The following ZNF714 variants were observed in gnomAD, a reference collection of about 807,000 sequenced individuals.
ZNF714 encodes the protein zinc finger protein 714.
A neutral mutation model predicts 46.2 loss-of-function variants in ZNF714; 32 were observed. The ratio of observed to expected loss-of-function variants is 0.69; its 90% CI spans 0.52 to 0.93. ZNF714 has a LOEUF of 0.93. Among genes scored for constraint, ZNF714 ranks in the 40% least tolerant of loss-of-function variants. The pLI is 0.00. For missense variants in ZNF714, 635 were observed against 646.3 expected (o/e 0.98, Z 0.19); for synonymous variants, 199 against 213.1 (o/e 0.93, Z 0.58).
In ZNF714 at chr19:21,117,049, A is replaced by T; in HGVS notation, c.385A>T (p.Ile129Phe). 1.4e-5 allele frequency: 23 copies of T among 1,613,180 alleles called. No homozygotes were observed. Among genetic ancestry groups the T allele is most frequent in the Non-Finnish European group, 1.9e-5 (23 of 1,179,524 alleles). The change falls in exon 5 of 5, where the codon ATT becomes TTT. Residue 129 changes from isoleucine to phenylalanine, a missense_variant. Coordinates refer to ENST00000456283, the MANE Select transcript of ZNF714 (RefSeq NM_182515.4). ...CDKYIKVFHK[I>F]FNSNRHKTRH... ...TAAATATATAAAAGTCTTTCATAAA[A>T]TTTTCAATTCAAATAGACACAAGAC... is the stretch of plus-strand genomic sequence containing the variant.
At position 21,117,072 on chromosome 19, in the gene ZNF714, G is replaced by C; in HGVS notation, c.408G>C (p.Lys136Asn). The C allele has an allele frequency of 6.2e-7, 1 of 1,613,360 alleles. No individual in the cohort carries two copies. Among genetic ancestry groups the C allele is most frequent in the East Asian group, 2.2e-5 (1 of 44,824 alleles). ...FHKIFNSNRHKTRHTGEKPFK... is the reference protein window; with the variant it reads ...FHKIFNSNRHNTRHTGEKPFK... ...AAATTTTCAATTCAAATAGACACAA[G>C]ACAAGACATACTGGAGAGAAACCTT... Residue 136 changes from lysine to asparagine, a missense_variant, in exon 5 of 5, where the codon AAG (lysine) becomes AAC (asparagine). Transcript: ENST00000456283.
In ZNF714 at chr19:21,096,833, CTTAT is replaced by C. The variant is rs569755532; in HGVS notation, c.-84-1348_-84-1345del. On this transcript the variant is annotated intron_variant, in intron 2 of 4. Transcript: ENST00000456283. ...TATGCAGAACAGGATTAAGAATATG[CTTAT>C]TTAAACAGGATGGCATTTATTTATT... Among the ~76,000 whole-genome samples, 128 of 152,096 alleles carry C rather than the reference CTTAT, an allele frequency of 8.4e-4. 1 individual carries two copies. The highest frequency in any genetic ancestry group is 2.6e-3 in the African/African-American group (109 of 41,456).
rs1004289945 is a variant in ZNF714, at chr19:21,123,198, A to C, written c.*4866A>C. Reference sequence around the variant, plus strand: ...TTAAAGGCGCACACTGTCCACAGGCAAGAGGATTAAATTAGCATTGCATTT... The same window carrying C: ...TTAAAGGCGCACACTGTCCACAGGCCAGAGGATTAAATTAGCATTGCATTT... On this transcript the variant is annotated 3_prime_UTR_variant, in exon 5 of 5. Coordinates refer to ENST00000456283, the MANE Select transcript of ZNF714 (RefSeq NM_182515.4). The C allele has an allele frequency of 6.6e-6, 1 of 151,198 alleles. No individual in the cohort carries two copies. Among genetic ancestry groups the C allele is most frequent in the African/African-American group, 2.4e-5 (1 of 41,300 alleles). 9.4% of individuals were successfully genotyped at this position (151,198 alleles called of 1,614,324 possible).
At position 21,118,124 on chromosome 19, in the gene ZNF714, G is replaced by A. The variant is rs1222042567; in HGVS notation, c.1460G>A (p.Gly487Asp). The change falls in exon 5 of 5, where the codon GGT (glycine) becomes GAT (aspartate). Residue 487 changes from glycine to aspartate, a missense_variant. Gly to Asp is a moderately conservative substitution (Grantham distance 94). Transcript: ENST00000456283. Reference sequence around the variant, plus strand: ...AAATCTTACAAATGTGAAGAATGTGGTAAAGCCTTTAACCAATCCTCAACT... The same window carrying A: ...AAATCTTACAAATGTGAAGAATGTGATAAAGCCTTTAACCAATCCTCAACT... ...GEKSYKCEEC[G>D]KAFNQSSTLT... The A allele has an allele frequency of 6.2e-7, 1 of 1,613,636 alleles. No homozygotes were observed. The highest frequency in any genetic ancestry group is 1.3e-5 in the African/African-American group (1 of 74,888).
chr19:21,112,238 A>G (rs935124780), intron 4 of ZNF714, among the ~76,000 whole-genome samples: 1 of 152,130 alleles, frequency 6.6e-6, no homozygotes, highest in African/African-American at 2.4e-5. Context: ...TTGGTAGGCT[A>G]TTGGCTATTT....
Position 21,098,260 on chromosome 19 carries a change from A to G in ZNF714, c.-9A>G. On this transcript the variant is annotated 5_prime_UTR_variant, in exon 3 of 5. Transcript: ENST00000456283. ...GGAATGCCTGAACCCTGCTCAGCAG[A>G]ATTTATATATGAATGTGATGTTAGA... 1 of 1,612,868 alleles carries G rather than the reference A, an allele frequency of 6.2e-7. No individual in the cohort carries two copies. Among genetic ancestry groups the G allele is most frequent in the Non-Finnish European group, 8.5e-7 (1 of 1,179,806 alleles).
chr19:21,107,811 C>T (rs932802799), intron 4 of ZNF714, among the ~76,000 whole-genome samples: 13 of 152,136 alleles, frequency 8.5e-5, no homozygotes, highest in African/African-American at 1.2e-4. Flanking sequence ...CATGAGCCAC[C>T]GTACTCAACC....
chr19:21,084,022 A>C lies in ZNF714; in HGVS notation c.-132A>C. On this transcript the variant is annotated 5_prime_UTR_variant, in exon 2 of 5. Coordinates refer to ENST00000456283, the MANE Select transcript of ZNF714 (RefSeq NM_182515.4). The stretch of plus-strand genomic sequence containing the variant: ...TGTATCCTCTCAAGGGAGCAAGTGG[A>C]TCCCTGGGGCAGAGAGGAAGCTTCT... The C allele has an allele frequency of 8.0e-7, 1 of 1,255,160 alleles. No homozygotes were observed. Among genetic ancestry groups the C allele is most frequent in the Non-Finnish European group, 1.0e-6 (1 of 976,074 alleles). 77.8% of individuals were successfully genotyped at this position (1,255,160 alleles called of 1,614,324 possible).
intron 2 of ZNF714, among the ~76,000 whole-genome samples, chr19:21,096,881 G>A (rs1052822073): frequency 6.6e-6 from 1 of 150,584 alleles, no homozygotes; most frequent in East Asian, 1.9e-4. Context: ...TATTTTTATT[G>A]TTTGAGACAG....
intron 4 of ZNF714, among the ~76,000 whole-genome samples, chr19:21,101,983 A>G (rs868585644): frequency 6.6e-6 from 1 of 152,046 alleles, no homozygotes; most frequent in South Asian, 2.1e-4. Context: ...TACTTGGGAG[A>G]TGGGATCTTG....
rs921552185 is a variant in ZNF714 at position 21,122,945 on chromosome 19, A to G, written c.*4613A>G. The G allele has an allele frequency of 6.6e-5, 10 of 152,208 alleles. No individual in the cohort carries two copies. The highest frequency in any genetic ancestry group is 1.9e-4 in the African/African-American group (8 of 41,442). 9.4% of individuals were successfully genotyped at this position (152,208 alleles called of 1,614,324 possible). On this transcript the variant is annotated 3_prime_UTR_variant, in exon 5 of 5. Transcript: ENST00000456283. The stretch of plus-strand genomic sequence containing the variant: ...CGAGGCAAGTGGATCACTTGAGCTC[A>G]GGAGTTCGAGACCAGCCTGACCAAC...
chr19:21,087,210 G>C (rs973965433), intron 2 of ZNF714, among the ~76,000 whole-genome samples: 3 of 117,336 alleles, frequency 2.6e-5, no homozygotes, highest in Non-Finnish European at 3.3e-5. Context: ...GAAAGTCTTA[G>C]GGCAGTCTCA....
intron 4 of ZNF714, among the ~76,000 whole-genome samples, chr19:21,105,243 G>A (rs915846380): frequency 4.6e-5 from 7 of 151,472 alleles, no homozygotes; most frequent in African/African-American, 1.7e-4. Context: ...GGCCAGTCTT[G>A]AACTCCTGAC....
chr19:21,117,898 C>T lies in ZNF714; in HGVS notation c.1234C>T (p.Leu412Phe), dbSNP rs1969638305. 5 of 1,612,854 alleles carry T rather than the reference C, an allele frequency of 3.1e-6. No homozygotes were observed. Reference protein sequence around the residue: ...CGKAFNQSSNLTKHKIIHTGE... With the variant: ...CGKAFNQSSNFTKHKIIHTGE... ...CAAAGCTTTTAACCAATCCTCAAACCTTACCAAACATAAGATAATTCATAC... is the reference window on the plus strand; with the variant it reads ...CAAAGCTTTTAACCAATCCTCAAACTTTACCAAACATAAGATAATTCATAC... The change falls in exon 5 of 5, where the codon CTT (leucine) becomes TTT (phenylalanine). Residue 412 changes from leucine to phenylalanine, a missense_variant. Physicochemically the swap from Leu to Phe is conservative, Grantham distance 22 (BLOSUM62 0). Coordinates refer to ENST00000456283, the MANE Select transcript of ZNF714 (RefSeq NM_182515.4).
intron 4 of ZNF714, among the ~76,000 whole-genome samples, chr19:21,102,936 G>A (rs935726072): frequency 2.0e-5 from 3 of 152,156 alleles, no homozygotes; most frequent in African/African-American, 7.2e-5. Context: ...TCAATGTGAT[G>A]TTTAATTAAG....
intron 2 of ZNF714, 54 bp downstream of exon 2, chr19:21,084,123 G>C (rs2144816353): frequency 1.5e-6 from 1 of 670,746 alleles, no homozygotes; most frequent in South Asian, 4.7e-5. Flanking sequence ...CTGCCTCCTG[G>C]ATTGTCTAAG....
chr19:21,103,149 A>G (rs1036473064), intron 4 of ZNF714, among the ~76,000 whole-genome samples: 6 of 145,406 alleles, frequency 4.1e-5, no homozygotes, highest in Non-Finnish European at 9.3e-5. Context: ...TGATGAATAT[A>G]TATTTCCTTT....
chr19:21,117,843 A>G lies in ZNF714; in HGVS notation c.1179A>G (p.Gly393=), dbSNP rs1969636642. 6.2e-7 allele frequency: 1 copy of G among 1,612,258 alleles called. No individual in the cohort carries two copies. The highest frequency in any genetic ancestry group is 1.3e-5 in the African/African-American group (1 of 74,888). ...KLTIHKIIHT[G]EKPYKCEECG... ...CTATACATAAGATAATTCATACTGG[A>G]GAGAAACCTTACAAATGTGAAGAAT... Residue 393 remains glycine, a synonymous_variant, in exon 5 of 5, where the codon GGA becomes GGG. Transcript: ENST00000456283.
chr19:21,100,352 G>A (rs138776355), intron 4 of ZNF714, among the ~76,000 whole-genome samples: 9,119 of 151,484 alleles, frequency 0.06, 320 homozygotes, highest in Non-Finnish European at 0.087. Context: ...GAGAAACCCC[G>A]TCTCTACTAA....
Sources: allele counts gnomAD v4.1 joint callset (sites outside exome capture counted in the v4.1 genomes callset), GRCh38; gene constraint gnomAD v4.1.1; transcripts MANE v1.5; gene names NCBI Gene and HGNC (gene_info 2026-07-23, HGNC 2026-07-21).